PRKG1: variants seen among roughly 807,000 people sequenced by gnomAD.
The protein encoded by PRKG1 is cGMP-dependent protein kinase 1.
A neutral mutation model predicts 88.1 loss-of-function variants in PRKG1; 35 were observed. The ratio of observed to expected loss-of-function variants is 0.40; its 90% CI spans 0.30 to 0.53. PRKG1 has a LOEUF of 0.53. Among genes scored for constraint, PRKG1 ranks in the 20% least tolerant of loss-of-function variants. The pLI is 0.59. For missense variants in PRKG1, 540 were observed against 839.8 expected (o/e 0.64, Z 4.41); for synonymous variants, 303 against 292.5 (o/e 1.04, Z -0.37).
At chr10:51,130,903 C>T (rs1184295685) in intron 1 of PRKG1, among the ~76,000 whole-genome samples, 1 of 151,756 alleles carries the variant, frequency 6.6e-6, no homozygotes, top group African/African-American at 2.4e-5. Flanking sequence ...AGCGAGACTC[C>T]ATCTAAACAA....
intron 1 of PRKG1, among the ~76,000 whole-genome samples, chr10:51,081,946 A>G (rs1229098327): frequency 6.6e-6 from 1 of 152,140 alleles, no homozygotes; most frequent in Non-Finnish European, 1.5e-5. Context: ...TTCTGTAGAG[A>G]CAGGGTCTCA....
chr10:51,447,949 A>G (rs1473631980), intron 2 of PRKG1, among the ~76,000 whole-genome samples: 1 of 152,072 alleles, frequency 6.6e-6, no homozygotes, highest in Non-Finnish European at 1.5e-5. Context: ...ATCATTGTTC[A>G]ACTCAGTATC....
chr10:51,518,222 T>G (rs1841644578), intron 3 of PRKG1, among the ~76,000 whole-genome samples: 1 of 152,184 alleles, frequency 6.6e-6, no homozygotes, highest in Non-Finnish European at 1.5e-5. Context: ...GGTCTCGAAC[T>G]CCTGGCCTCA....
intron 5 of PRKG1, chr10:51,908,844 C>T (rs1392064012): frequency 1.3e-5 from 2 of 151,876 alleles, no homozygotes; most frequent in Non-Finnish European, 2.9e-5. Context: ...ATTCTCCTGA[C>T]TCGGCCTCCT....
At chr10:52,062,994 C>T in intron 7 of PRKG1, 1 of 561,466 alleles carries the variant, frequency 1.8e-6, no homozygotes. Context: ...TTTGAAATCC[C>T]TAAACCTGTT....
intron 1 of PRKG1, among the ~76,000 whole-genome samples, chr10:51,131,582 A>G (rs191503106): frequency 6.6e-6 from 1 of 152,312 alleles, no homozygotes; most frequent in East Asian, 1.9e-4. Flanking sequence ...CTCCATCTCT[A>G]TATACATACA....
At chr10:52,116,836 AT>A (rs111680801) in intron 7 of PRKG1, among the ~76,000 whole-genome samples, 1,717 of 147,348 alleles carry the variant, frequency 0.012, 30 homozygotes, top group African/African-American at 0.035. Flanking sequence ...TATTTTCCTC[AT>A]TTTTTTTTTT....
At chr10:51,862,391 G>A (rs755944993) in intron 4 of PRKG1, among the ~76,000 whole-genome samples, 1 of 152,108 alleles carries the variant, frequency 6.6e-6, no homozygotes, top group Non-Finnish European at 1.5e-5. Flanking sequence ...TGGGTTCCGG[G>A]TTCTTGTCCT....
At chr10:51,141,071 C>A (rs1845809103) in intron 1 of PRKG1, among the ~76,000 whole-genome samples, 1 of 152,166 alleles carries the variant, frequency 6.6e-6, no homozygotes, top group Non-Finnish European at 1.5e-5. Context: ...CACAGTTTTG[C>A]TCAGTGTCCC....
At chr10:51,434,429 G>C (rs935489628) in intron 2 of PRKG1, among the ~76,000 whole-genome samples, 2 of 152,096 alleles carry the variant, frequency 1.3e-5, no homozygotes, top group African/African-American at 2.4e-5. Flanking sequence ...AGTGGAAATT[G>C]TTCCAGGTTA....
intron 3 of PRKG1, among the ~76,000 whole-genome samples, chr10:51,615,352 C>G (rs1002969924): frequency 3.9e-5 from 6 of 151,976 alleles, no homozygotes; most frequent in African/African-American, 1.4e-4. Flanking sequence ...ATCTCTGAAC[C>G]TCCTCTATCT....
intron 2 of PRKG1, among the ~76,000 whole-genome samples, chr10:51,270,544 T>C (rs148443648): frequency 2.0e-4 from 30 of 152,284 alleles, no homozygotes; most frequent in African/African-American, 7.0e-4. Context: ...GTGGATCATA[T>C]AGTGAGTTAC....
chr10:51,143,170 C>T (rs1845862035), intron 1 of PRKG1, among the ~76,000 whole-genome samples: 1 of 152,074 alleles, frequency 6.6e-6, no homozygotes, highest in South Asian at 2.1e-4. Flanking sequence ...AACAACCCTC[C>T]TCCTCCCTAG....
intron 3 of PRKG1, among the ~76,000 whole-genome samples, chr10:51,710,757 A>G (rs1841724689): frequency 6.6e-6 from 1 of 152,240 alleles, no homozygotes; most frequent in South Asian, 2.1e-4. Context: ...TTCTTCTCAA[A>G]AGTGAAGCAT....
chr10:52,071,065 A>G (rs551843829), intron 7 of PRKG1, among the ~76,000 whole-genome samples: 3 of 152,350 alleles, frequency 2.0e-5, no homozygotes, highest in South Asian at 2.1e-4. Context: ...TCTGGCATAT[A>G]CTAAGTGTTT....
intron 2 of PRKG1, among the ~76,000 whole-genome samples, chr10:51,306,051 AG>A (rs1208428798): frequency 7.2e-5 from 11 of 152,326 alleles, no homozygotes; most frequent in African/African-American, 2.6e-4. Context: ...AGCTCTGGAA[AG>A]TAGACATTAT....
intron 1 of PRKG1, among the ~76,000 whole-genome samples, chr10:51,119,684 A>G (rs1466715548): frequency 6.6e-6 from 1 of 152,084 alleles, no homozygotes; most frequent in Non-Finnish European, 1.5e-5. Context: ...ATATAATGAC[A>G]ATTTTAACTT....
intron 3 of PRKG1, among the ~76,000 whole-genome samples, chr10:51,797,512 AATAT>A (rs1839046296): frequency 6.8e-6 from 1 of 146,488 alleles, no homozygotes; most frequent in Non-Finnish European, 1.5e-5. Flanking sequence ...ATAAATATAG[AATAT>A]ATAGATAAAT....
At chr10:52,194,783 T>C (rs1210799439) in intron 9 of PRKG1, among the ~76,000 whole-genome samples, 1 of 152,174 alleles carries the variant, frequency 6.6e-6, no homozygotes, top group African/African-American at 2.4e-5. Flanking sequence ...AATAAAAAGC[T>C]ATATCCAGGT....
Sources: allele counts gnomAD v4.1 joint callset (sites outside exome capture counted in the v4.1 genomes callset), GRCh38; gene constraint gnomAD v4.1.1; transcripts MANE v1.5; gene names NCBI Gene and HGNC (gene_info 2026-07-23, HGNC 2026-07-21).